Variants in MYBPC2 observed in about 807,000 individuals in gnomAD.
MYBPC2 encodes myosin binding protein C2.
Under a neutral mutation model 137.0 loss-of-function variants are expected in MYBPC2, and 122 were observed. The observed-to-expected ratio is 0.89, with a 90% CI of 0.77 to 1.03. The LOEUF is 1.03. Ranked by LOEUF, MYBPC2 falls within the 50% of genes least tolerant of loss-of-function variation. The pLI is 0.00. For missense variants in MYBPC2, 1,500 were observed against 1,534.4 expected (o/e 0.98, Z 0.37); for synonymous variants, 626 against 612.3 (o/e 1.02, Z -0.33).
chr19:50,466,205 A>G lies in MYBPC2; in HGVS notation c.3426A>G (p.Ter1142TrpextTer?). Residue 1142 changes from the stop codon to tryptophan (W), a stop_lost, in exon 28 of 28, where the codon TGA becomes TGG. Transcript: ENST00000357701. The surrounding 1 kb of genome is among the most constrained non-coding windows in gnomAD (Gnocchi z 4.9). ...CTCGTTTTCCTGCAGTGCCGCAGTG[A>G]GACCTGTCCCCTACCTGCCAAGACA... ...ECKLEVRVPQ[*>W] 1 of 1,613,886 alleles carries G rather than the reference A, an allele frequency of 6.2e-7. No homozygotes were observed. The highest frequency in any genetic ancestry group is 1.1e-5 in the South Asian group (1 of 91,074).
Position 50,466,082 on chromosome 19 carries a change from T to C in MYBPC2, c.3416-113T>C. 6.9e-7 allele frequency: 1 copy of C among 1,448,764 alleles called. No homozygotes were observed. Among genetic ancestry groups the C allele is most frequent in the East Asian group, 2.4e-5 (1 of 42,212 alleles). The allele number at this position is 1,448,764 out of a possible 1,614,324, so 89.7% of individuals were successfully genotyped here. Reference sequence around the variant, plus strand: ...CACAGTGGCCTAGGATGGGGCGGGATGGTGACCGTCATCCTGTCCCCCTGC... The same window carrying C: ...CACAGTGGCCTAGGATGGGGCGGGACGGTGACCGTCATCCTGTCCCCCTGC... On this transcript the variant is annotated intron_variant, in intron 27 of 27. Transcript: ENST00000357701. The surrounding 1 kb of genome is among the most constrained non-coding windows in gnomAD (Gnocchi z 4.9).
In MYBPC2 at chr19:50,442,222, G is replaced by A; in HGVS notation, c.811G>A (p.Gly271Ser). 3 of 1,602,450 alleles carry A rather than the reference G, an allele frequency of 1.9e-6. No homozygotes were observed. Among genetic ancestry groups the A allele is most frequent in the Non-Finnish European group, 2.6e-6 (3 of 1,174,628 alleles). ...KLDPAYQVDR[G>S]NKIKLMVEIS... ...GGATCCAGCCTACCAAGTGGACAGA[G>A]GCAACAAGATCAAGTTGATGGTAGA... The change falls in exon 9 of 28, where the codon GGC becomes AGC. Residue 271 changes from glycine (G) to serine (S), a missense_variant. Transcript: ENST00000357701.
rs752308103 is a variant in MYBPC2 at position 50,455,467 on chromosome 19, AC to A, written c.2204-39del. ...TCCTGCCCCTTCCTGCTGACCCCTG[AC>A]CCCTCATTCCCCCCATATCCTCTTT... On this transcript the variant is annotated intron_variant, in intron 19 of 27. Transcript: ENST00000357701. 1.6e-5 allele frequency: 25 copies of A among 1,593,624 alleles called. No individual in the cohort carries two copies. In the Admixed American group the frequency reaches 2.7e-4, roughly 17 times the overall value.
chr19:50,436,377 G>A (rs1206794680), intron 4 of MYBPC2, among the ~76,000 whole-genome samples: 1 of 152,188 alleles, frequency 6.6e-6, no homozygotes, highest in African/African-American at 2.4e-5. Context: ...TTAGGGCTTG[G>A]TCATGTACAT....
At chr19:50,452,131 AT>A in intron 16 of MYBPC2, 128 bp downstream of exon 16, 1 of 1,070,952 alleles carries the variant, frequency 9.3e-7, no homozygotes, top group Non-Finnish European at 1.3e-6. Flanking sequence ...TGTTTTGAAG[AT>A]TAGAGATTAT....
chr19:50,436,481 C>G, intron 4 of MYBPC2, 136 bp from the exon 5 acceptor site: 2 of 816,436 alleles, frequency 2.4e-6, no homozygotes, highest in Non-Finnish European at 3.9e-6. Flanking sequence ...GGTGCTGAGA[C>G]CCCTCTCGGT....
At position 50,435,887 on chromosome 19, in the gene MYBPC2, G is replaced by T. The variant is rs1319092404; in HGVS notation, c.196+25G>T. The T allele has an allele frequency of 1.9e-6, 3 of 1,565,138 alleles. No individual in the cohort carries two copies. Among genetic ancestry groups the T allele is most frequent in the Admixed American group, 1.9e-5 (1 of 53,304 alleles). ...GGTGAGGGGAACCCGGGGGAGGAGG[G>T]GCTGCGGCCCGGACTCCTGGGTCTG... On this transcript the variant is annotated intron_variant, in intron 3 of 27. Transcript: ENST00000357701. The surrounding 1 kb of genome is among the most constrained non-coding windows in gnomAD (Gnocchi z 4.8).
chr19:50,443,777 T>TG lies in MYBPC2; in HGVS notation c.1096dup (p.Ala366GlyfsTer64), dbSNP rs777626792. ...GTGTTTGTGGGTGACCGGGTGGAAA[T>TG]GGCAGTGGAGGTGTCAGAAGAGGGT... On this transcript the variant is annotated frameshift_variant, in exon 11 of 28. Coordinates refer to ENST00000357701, the MANE Select transcript of MYBPC2 (RefSeq NM_004533.4). LOFTEE classifies it high-confidence loss of function. 6.2e-7 allele frequency: 1 copy of TG among 1,613,854 alleles called. No individual in the cohort carries two copies. The highest frequency in any genetic ancestry group is 1.1e-5 in the South Asian group (1 of 91,062).
At chr19:50,463,096 A>T (rs975722473) in intron 26 of MYBPC2, among the ~76,000 whole-genome samples, 29 of 152,356 alleles carry the variant, frequency 1.9e-4, no homozygotes, top group Admixed American at 1.9e-3. Context: ...AGGGGTTGGC[A>T]AACCATCACC....
chr19:50,448,155 G>C, intron 12 of MYBPC2, 70 bp from the exon 13 acceptor site: 2 of 1,511,244 alleles, frequency 1.3e-6, no homozygotes, highest in Non-Finnish European at 1.8e-6. Flanking sequence ...CTGGCACACA[G>C]TGGGTGCTCA....
chr19:50,446,363 A>G (rs1326311540), intron 12 of MYBPC2, among the ~76,000 whole-genome samples: 1 of 151,028 alleles, frequency 6.6e-6, no homozygotes, highest in Non-Finnish European at 1.5e-5. Flanking sequence ...ATACAAAAAA[A>G]TTAGCTGGGC....
At chr19:50,464,197 CTG>C in intron 26 of MYBPC2, 147 bp from the exon 27 acceptor site, 1 of 669,768 alleles carries the variant, frequency 1.5e-6, no homozygotes, top group Non-Finnish European at 2.5e-6. Context: ...TAAGAGGAGA[CTG>C]AGGGTCAGGG....
chr19:50,437,932 A>G (rs1001300733), intron 7 of MYBPC2, among the ~76,000 whole-genome samples: 1 of 151,678 alleles, frequency 6.6e-6, no homozygotes, highest in Non-Finnish European at 1.5e-5. Flanking sequence ...ACCCCTACCC[A>G]CAACCCCACC....
At chr19:50,444,193 T>G (rs1015955905) in intron 11 of MYBPC2, among the ~76,000 whole-genome samples, 7 of 144,042 alleles carry the variant, frequency 4.9e-5, no homozygotes, top group African/African-American at 1.6e-4. Context: ...TGCTTAACCA[T>G]CCATCCACTC....
intron 19 of MYBPC2, 48 bp downstream of exon 19, chr19:50,455,344 C>G (rs780552922): frequency 1.3e-5 from 20 of 1,572,010 alleles, no homozygotes; most frequent in Non-Finnish European, 1.1e-5. Context: ...ATGGATCACT[C>G]TGATCCATCA....
intron 16 of MYBPC2, among the ~76,000 whole-genome samples, chr19:50,453,144 G>A (rs188552471): frequency 2.6e-5 from 4 of 152,244 alleles, no homozygotes; most frequent in Admixed American, 2.0e-4. Context: ...ATTTGAGACA[G>A]GGTTTCACTA....
chr19:50,458,423 T>C (rs1706819845), intron 20 of MYBPC2, among the ~76,000 whole-genome samples, 164 bp from the exon 21 acceptor site: 1 of 149,606 alleles, frequency 6.7e-6, no homozygotes, highest in Non-Finnish European at 1.5e-5. Context: ...CCTTAGAACC[T>C]GGCCATGATG....
chr19:50,464,989 G>A (rs1313794136), intron 27 of MYBPC2, among the ~76,000 whole-genome samples: 1 of 151,424 alleles, frequency 6.6e-6, no homozygotes, highest in Non-Finnish European at 1.5e-5. Context: ...CCCTCATCTC[G>A]GTCCCACAGC....
At chr19:50,456,710 A>G (rs779102538) in intron 20 of MYBPC2, among the ~76,000 whole-genome samples, 2 of 152,070 alleles carry the variant, frequency 1.3e-5, no homozygotes, top group Non-Finnish European at 2.9e-5. Flanking sequence ...TGCTGGGATT[A>G]CAGGCATGAG....
Sources: allele counts gnomAD v4.1 joint callset (sites outside exome capture counted in the v4.1 genomes callset), GRCh38; gene constraint gnomAD v4.1.1; non-coding constraint Gnocchi (gnomAD v3.1); transcripts MANE v1.5; gene names NCBI Gene and HGNC (gene_info 2026-07-23, HGNC 2026-07-21).